Variants in CHLSN observed in about 807,000 individuals in gnomAD.
The protein encoded by CHLSN is cholesin, also known as protein cholesin.
chr7:1,134,770 G>C, the CHLSN span, among the ~76,000 whole-genome samples: 5 of 151,120 alleles, frequency 3.3e-5, no homozygotes, highest in Non-Finnish European at 7.4e-5. Flanking sequence ...TCAGCTACTC[G>C]GGAGGCTGAG....
At chr7:1,085,790 G>A in the CHLSN span, among the ~76,000 whole-genome samples, 1 of 151,382 alleles carries the variant, frequency 6.6e-6, no homozygotes, top group African/African-American at 2.4e-5. Flanking sequence ...CTGAGATCAG[G>A]CCACTGCACA....
At chr7:1,017,234 C>T in the CHLSN span, among the ~76,000 whole-genome samples, 1 of 151,356 alleles carries the variant, frequency 6.6e-6, no homozygotes, top group African/African-American at 2.4e-5. Context: ...AGAGAAAGGA[C>T]CCACTGTCTC....
At chr7:1,130,066 A>G in the CHLSN span, among the ~76,000 whole-genome samples, 2 of 152,112 alleles carry the variant, frequency 1.3e-5, no homozygotes, top group African/African-American at 4.8e-5. Context: ...GGGCTCAAGG[A>G]CCACCGTGAG....
At chr7:1,102,869 C>T in the CHLSN span, among the ~76,000 whole-genome samples, 267 of 152,388 alleles carry the variant, frequency 1.8e-3, 1 homozygote, top group Middle Eastern at 0.014. Context: ...AAAAGGACAG[C>T]AGCTCTTCCT....
the CHLSN span, chr7:1,088,054 G>T: frequency 1.3e-5 from 2 of 152,260 alleles, no homozygotes; most frequent in African/African-American, 4.8e-5. The surrounding 1 kb of genome is among the most constrained non-coding windows in gnomAD (Gnocchi z 4.5). Context: ...GGCCAGAGAG[G>T]AGCCAGAGAG....
At chr7:1,007,702 CT>C in the CHLSN span, among the ~76,000 whole-genome samples, 9 of 152,180 alleles carry the variant, frequency 5.9e-5, no homozygotes, top group Non-Finnish European at 1.0e-4. Context: ...AGAGTCCCCC[CT>C]CCTCCCACAC....
the CHLSN span, among the ~76,000 whole-genome samples, chr7:1,000,012 A>T: frequency 1.3e-5 from 2 of 152,216 alleles, no homozygotes; most frequent in African/African-American, 4.8e-5. Context: ...CACGTCATGC[A>T]CACACGCACG....
the CHLSN span, among the ~76,000 whole-genome samples, chr7:1,005,478 G>A: frequency 2.6e-5 from 4 of 152,254 alleles, no homozygotes; most frequent in South Asian, 6.2e-4. Flanking sequence ...ATGAAGGCCC[G>A]AGCGGGGCTG....
chr7:1,068,810 G>C, the CHLSN span, among the ~76,000 whole-genome samples: 2 of 152,190 alleles, frequency 1.3e-5, no homozygotes, highest in Admixed American at 1.3e-4. Flanking sequence ...GACTAGGATT[G>C]CAACGCATTG....
At chr7:1,036,323 G>A in the CHLSN span, among the ~76,000 whole-genome samples, 2,923 of 151,288 alleles carry the variant, frequency 0.019, 97 homozygotes, top group African/African-American at 0.067. Context: ...TGCAGGGTTC[G>A]GGTGCTCGTG....
At chr7:1,044,791 C>A in the CHLSN span, 1 of 152,212 alleles carries the variant, frequency 6.6e-6, no homozygotes, top group Non-Finnish European at 1.5e-5. Context: ...GTCCTCTGGC[C>A]GCTGCCCACT....
chr7:1,136,661 G>A, the CHLSN span, among the ~76,000 whole-genome samples: 1 of 145,930 alleles, frequency 6.9e-6, no homozygotes, highest in Non-Finnish European at 1.5e-5. Context: ...TATAAACTGT[G>A]TATATATATA....
At chr7:1,070,562 G>A in the CHLSN span, among the ~76,000 whole-genome samples, 1 of 143,364 alleles carries the variant, frequency 7.0e-6, no homozygotes. Flanking sequence ...GCACACACGT[G>A]CACACACGCA....
the CHLSN span, among the ~76,000 whole-genome samples, chr7:1,087,872 T>C: frequency 1.5e-4 from 23 of 152,356 alleles, no homozygotes; most frequent in African/African-American, 4.8e-4. Flanking sequence ...CCTAGTATGA[T>C]GCCTTCAAAC....
chr7:1,019,354 G>A, the CHLSN span, among the ~76,000 whole-genome samples: 1 of 152,056 alleles, frequency 6.6e-6, no homozygotes, highest in African/African-American at 2.4e-5. Flanking sequence ...TTGTTCAATG[G>A]TTCTATAGGG....
At chr7:1,035,798 C>T in the CHLSN span, among the ~76,000 whole-genome samples, 1 of 152,202 alleles carries the variant, frequency 6.6e-6, no homozygotes, top group African/African-American at 2.4e-5. Flanking sequence ...TATTCACCCA[C>T]ATGAACTCAA....
the CHLSN span, among the ~76,000 whole-genome samples, chr7:1,106,828 T>G: frequency 1.3e-5 from 2 of 152,186 alleles, no homozygotes; most frequent in Admixed American, 6.5e-5. Context: ...CCCTCCGTGC[T>G]GTTTCTGCAG....
the CHLSN span, among the ~76,000 whole-genome samples, chr7:1,070,720 GCGCACACA>G: frequency 7.4e-6 from 1 of 135,142 alleles, no homozygotes; most frequent in African/African-American, 2.7e-5. Flanking sequence ...ACACGCACAC[GCGCACACA>G]TGCACGCACA....
At chr7:1,016,594 C>T in the CHLSN span, among the ~76,000 whole-genome samples, 6 of 108,852 alleles carry the variant, frequency 5.5e-5, no homozygotes, top group Non-Finnish European at 1.1e-4. Context: ...CACAGCACCA[C>T]ACAGCAGCGT....
Sources: gnomAD v4.1 joint callset for allele counts (sites outside exome capture counted in the v4.1 genomes callset) on GRCh38, gnomAD v4.1.1 for gene constraint, Gnocchi (gnomAD v3.1) non-coding constraint, MANE v1.5 for transcripts, NCBI Gene and HGNC (gene_info 2026-07-23, HGNC 2026-07-21) for gene names.